Variants in TRIO observed in about 807,000 individuals in gnomAD.
TRIO encodes trio Rho guanine nucleotide exchange factor, also known as triple functional domain protein.
In TRIO, 58 loss-of-function variants were observed where a neutral mutation model predicts 351.9. The observed-to-expected ratio is 0.16, with a 90% confidence interval of 0.13 to 0.21. The LOEUF is 0.21. Ranked by LOEUF, TRIO falls within the 10% of genes least tolerant of loss-of-function variation. The pLI is 1.00. For missense variants in TRIO, 3,201 were observed against 4,027.8 expected (o/e 0.79, Z 5.56); for synonymous variants, 1,758 against 1,595.7 (o/e 1.10, Z -2.42).
At chr5:14,427,752 G>A (rs769214154) in intron 34 of TRIO, among the ~76,000 whole-genome samples, 5 of 152,134 alleles carry the variant, frequency 3.3e-5, no homozygotes, top group Non-Finnish European at 4.4e-5. Flanking sequence ...ATGACCTGCC[G>A]ATGGTCCAGG....
At chr5:14,168,915 C>A (rs1361148004) in intron 1 of TRIO, among the ~76,000 whole-genome samples, 5 of 152,182 alleles carry the variant, frequency 3.3e-5, no homozygotes, top group Admixed American at 2.6e-4. Flanking sequence ...GGCGGCAGAC[C>A]GTAGTCTTTG....
At chr5:14,155,711 T>C (rs528069080) in intron 1 of TRIO, among the ~76,000 whole-genome samples, 1 of 152,372 alleles carries the variant, frequency 6.6e-6, no homozygotes, top group African/African-American at 2.4e-5. Flanking sequence ...TTTTGGAGCA[T>C]CGTGTCTGGG....
chr5:14,404,655 G>A (rs774568202), intron 31 of TRIO, among the ~76,000 whole-genome samples: 18 of 151,758 alleles, frequency 1.2e-4, no homozygotes, highest in African/African-American at 2.7e-4. Flanking sequence ...CGCTTTCCCC[G>A]GTCACCCTGC....
chr5:14,371,116 C>G (rs1745067830), intron 18 of TRIO, among the ~76,000 whole-genome samples: 1 of 152,154 alleles, frequency 6.6e-6, no homozygotes, highest in Non-Finnish European at 1.5e-5. Flanking sequence ...GATGATTTTG[C>G]CCAACTGCAG....
chr5:14,268,383 A>G (rs1355964181), intron 1 of TRIO, among the ~76,000 whole-genome samples: 2 of 152,224 alleles, frequency 1.3e-5, no homozygotes, highest in Non-Finnish European at 2.9e-5. Context: ...ATGATGACTC[A>G]GGTCACACAG....
At chr5:14,171,487 T>A (rs1344422940) in intron 1 of TRIO, among the ~76,000 whole-genome samples, 1 of 152,150 alleles carries the variant, frequency 6.6e-6, no homozygotes, top group Non-Finnish European at 1.5e-5. Context: ...GAGCCGGAGG[T>A]CAAAATTAGA....
At chr5:14,505,031 G>A (rs1579857723) in intron 55 of TRIO, among the ~76,000 whole-genome samples, 1 of 152,374 alleles carries the variant, frequency 6.6e-6, no homozygotes, top group Non-Finnish European at 1.5e-5. Context: ...AAGGCCAGTT[G>A]GATGGGAGGG....
chr5:14,267,364 A>G (rs1420424568), intron 1 of TRIO, among the ~76,000 whole-genome samples: 3 of 152,022 alleles, frequency 2.0e-5, no homozygotes, highest in African/African-American at 7.2e-5. Context: ...GTGCGGTGGT[A>G]TTTGCTGTTC....
rs80193593 is a variant in TRIO, at chr5:14,222,256, G to A, written c.158-48569G>A. ...GTATAGGATAAATGTACCATGTAAC[G>A]TATAGTGTAAACATAATTTTTATAT... On this transcript the variant is annotated intron_variant, in intron 1 of 56. Coordinates refer to ENST00000344204, the MANE Select transcript of TRIO (RefSeq NM_007118.4). 5.5e-3 allele frequency among the ~76,000 whole-genome samples: 836 copies of A among 151,606 alleles called. 7 individuals carry two copies. Among genetic ancestry groups the A allele is most frequent in the African/African-American group, 0.019 (781 of 41,324 alleles).
At position 14,333,147 on chromosome 5, in the gene TRIO, C is replaced by T. The variant is rs139295012; in HGVS notation, c.1854+2247C>T. On this transcript the variant is annotated intron_variant, in intron 10 of 56. Transcript: ENST00000344204. ...GAGGATGTTGGAGTTGTATCACCCG[C>T]GGGCCACTTCACCTCGCTAAAACCC... 3.1e-3 allele frequency among the ~76,000 whole-genome samples: 476 copies of T among 152,258 alleles called. 3 individuals are homozygous for T. Among genetic ancestry groups the T allele is most frequent in the African/African-American group, 0.011 (462 of 41,534 alleles).
chr5:14,243,014 G>C (rs1252821528), intron 1 of TRIO, among the ~76,000 whole-genome samples: 2 of 152,176 alleles, frequency 1.3e-5, no homozygotes, highest in African/African-American at 4.8e-5. Flanking sequence ...CCAGCCAGGG[G>C]GTCTCTTCTC....
intron 27 of TRIO, among the ~76,000 whole-genome samples, chr5:14,392,921 AC>A (rs1453008690): frequency 6.6e-6 from 1 of 151,790 alleles, no homozygotes; most frequent in Non-Finnish European, 1.5e-5. Context: ...GGTGGCGGGC[AC>A]CTGTATCCCA....
intron 2 of TRIO, among the ~76,000 whole-genome samples, chr5:14,275,001 T>C (rs1271065300): frequency 6.6e-5 from 10 of 152,148 alleles, no homozygotes; most frequent in Non-Finnish European, 1.5e-4. Context: ...ATCCACCGGG[T>C]GGGTTGTCGT....
chr5:14,357,230 T>A (rs1579416769), intron 11 of TRIO, among the ~76,000 whole-genome samples: 1 of 152,078 alleles, frequency 6.6e-6, no homozygotes, highest in Admixed American at 6.5e-5. Context: ...AAGCGGGAGG[T>A]CCCGACTTGC....
At chr5:14,469,361 A>G (rs868839097) in intron 37 of TRIO, among the ~76,000 whole-genome samples, 2 of 152,268 alleles carry the variant, frequency 1.3e-5, no homozygotes, top group Admixed American at 6.5e-5. Flanking sequence ...CAATCATAAG[A>G]CATTATTTTG....
intron 1 of TRIO, among the ~76,000 whole-genome samples, chr5:14,237,548 A>G (rs967550706): frequency 6.6e-6 from 1 of 152,106 alleles, no homozygotes; most frequent in Non-Finnish European, 1.5e-5. Flanking sequence ...CACGCTGGAG[A>G]TGTTTGGGCA....
At chr5:14,456,050 TGCGG>T (rs1753273598) in intron 34 of TRIO, among the ~76,000 whole-genome samples, 1 of 152,210 alleles carries the variant, frequency 6.6e-6, no homozygotes, top group South Asian at 2.1e-4. Context: ...TCAAGCGCGG[TGCGG>T]GCGGGCTGGC....
At chr5:14,492,950 T>A in intron 49 of TRIO, 136 bp downstream of exon 49, 1 of 1,361,696 alleles carries the variant, frequency 7.3e-7, no homozygotes, top group South Asian at 1.5e-5. Flanking sequence ...GGCTCAGCTC[T>A]GAGCACGTGG....
At chr5:14,229,834 T>G (rs1380968560) in intron 1 of TRIO, among the ~76,000 whole-genome samples, 1 of 152,240 alleles carries the variant, frequency 6.6e-6, no homozygotes, top group East Asian at 1.9e-4. Flanking sequence ...TAGGAATGCT[T>G]AGGTATGACT....
Sources: allele counts gnomAD v4.1 joint callset (sites outside exome capture counted in the v4.1 genomes callset), GRCh38; gene constraint gnomAD v4.1.1; transcripts MANE v1.5; gene names NCBI Gene and HGNC (gene_info 2026-07-23, HGNC 2026-07-21).